The following SSH2 variants were observed in gnomAD, a reference collection of about 807,000 sequenced individuals.
SSH2 encodes the protein slingshot protein phosphatase 2, also known as protein phosphatase Slingshot homolog 2.
SSH2 carries 37 observed loss-of-function variants against 135.2 expected under a neutral mutation model. That is an observed-to-expected ratio of 0.27 (90% CI 0.21 to 0.36). The LOEUF is 0.36. Among genes scored for constraint, SSH2 ranks in the 10% least tolerant of loss-of-function variants. SSH2 has a pLI of 1.00. For synonymous variants in SSH2, 628 were observed against 646.2 expected (o/e 0.97, Z 0.43); for missense variants, 1,408 against 1,765.3 (o/e 0.80, Z 3.63).
intron 1 of SSH2, among the ~76,000 whole-genome samples, chr17:29,913,336 AAAAAAAAAAAAATATATATAT>A (rs1367819937): frequency 3.6e-5 from 2 of 55,110 alleles, no homozygotes; most frequent in East Asian, 1.4e-3. Context: ...AAAAAAAAAA[AAAAAAAAAAAAATATATATAT>A]ATATATATAT....
intron 2 of SSH2, among the ~76,000 whole-genome samples, chr17:29,815,547 C>T (rs1045804298): frequency 5.9e-5 from 9 of 152,150 alleles, no homozygotes; most frequent in Non-Finnish European, 1.2e-4. Context: ...AGGCATGAGC[C>T]ACTGTGCCCA....
chr17:29,879,807 A>G (rs755042445), intron 1 of SSH2, among the ~76,000 whole-genome samples: 2 of 152,320 alleles, frequency 1.3e-5, no homozygotes, highest in African/African-American at 2.4e-5. Flanking sequence ...ACAAGATGCA[A>G]TGTTTCCAAA....
At chr17:29,927,209 C>T (rs2067083468) in intron 1 of SSH2, among the ~76,000 whole-genome samples, 1 of 152,166 alleles carries the variant, frequency 6.6e-6, no homozygotes, top group Non-Finnish European at 1.5e-5. Flanking sequence ...TTATCTTAAT[C>T]TGAATTCAGA....
At chr17:29,658,123 C>A (rs1193404612) in intron 11 of SSH2, among the ~76,000 whole-genome samples, 1 of 151,516 alleles carries the variant, frequency 6.6e-6, no homozygotes, top group African/African-American at 2.4e-5. Flanking sequence ...CCTTCCTCAG[C>A]CTCCTGAGTA....
chr17:29,674,837 A>C (rs1418137640), intron 8 of SSH2, among the ~76,000 whole-genome samples: 1 of 152,214 alleles, frequency 6.6e-6, no homozygotes, highest in Non-Finnish European at 1.5e-5. Context: ...AATTTGGATT[A>C]GAATTTTAGG....
At chr17:29,864,867 C>T (rs1325783530) in intron 1 of SSH2, among the ~76,000 whole-genome samples, 1 of 152,118 alleles carries the variant, frequency 6.6e-6, no homozygotes, top group African/African-American at 2.4e-5. Flanking sequence ...TTCTTGGGCC[C>T]CACCCCTGAT....
intron 3 of SSH2, among the ~76,000 whole-genome samples, chr17:29,758,195 A>G (rs1478768202): frequency 6.6e-6 from 1 of 152,254 alleles, no homozygotes; most frequent in Non-Finnish European, 1.5e-5. Context: ...GAAGTTGAAG[A>G]TTTCAGCAGT....
chr17:29,918,918 C>T (rs1421692488), intron 1 of SSH2, among the ~76,000 whole-genome samples: 3 of 151,816 alleles, frequency 2.0e-5, no homozygotes, highest in African/African-American at 7.3e-5. Context: ...GCCTGAGCGA[C>T]AGAACGAGAC....
intron 14 of SSH2, chr17:29,647,878 G>T (rs1023812224): frequency 2.7e-6 from 1 of 367,362 alleles, no homozygotes; most frequent in Non-Finnish European, 5.1e-6. Flanking sequence ...GGCCAGGCTG[G>T]TCTCGAACTC....
intron 3 of SSH2, among the ~76,000 whole-genome samples, chr17:29,779,840 A>AAAAAAG (rs2041800889): frequency 6.8e-6 from 1 of 146,652 alleles, no homozygotes; most frequent in Non-Finnish European, 1.5e-5. Flanking sequence ...AAAAAAAAAA[A>AAAAAAG]GATGAACAGC....
Position 29,631,831 on chromosome 17 carries a change from G to T in SSH2, c.3363C>A (p.Thr1121=). The T allele has an allele frequency of 6.2e-7, 1 of 1,614,204 alleles. No individual in the cohort carries two copies. The highest frequency in any genetic ancestry group is 1.1e-5 in the South Asian group (1 of 91,086). Residue 1121 remains threonine (T), a synonymous_variant, in exon 16 of 16, where the codon ACC becomes ACA. Transcript: ENST00000540801. ...TGTCTTCAGGGCTACTCAGGATGGA[G>T]GTTGGATGGTCAGTGGGTCTGTTGT... The part of the protein sequence containing the change: ...PEHNRPTDHP[T]SILSSPEDRG...
chr17:29,694,281 A>G lies in SSH2; in HGVS notation c.357+1178T>C, dbSNP rs541209116. Among the ~76,000 whole-genome samples the G allele has an allele frequency of 8.5e-5, 13 of 152,354 alleles. No homozygotes were observed. The East Asian group carries it at 2.3e-3, about 27-fold the overall frequency. ...GTAGAAATACTTTCCAATTTCCACA[A>G]AGAAATATGGTCATCTCAGTTTTGT... On this transcript the variant is annotated intron_variant, in intron 5 of 15. Coordinates refer to ENST00000540801, the MANE Select transcript of SSH2 (RefSeq NM_001282129.2).
chr17:29,890,470 A>C (rs1451870003), intron 1 of SSH2, among the ~76,000 whole-genome samples: 1 of 152,198 alleles, frequency 6.6e-6, no homozygotes, highest in Non-Finnish European at 1.5e-5. Context: ...AAAAGGAATG[A>C]AGTGCTAACA....
At chr17:29,849,862 A>AAG (rs1184398646) in intron 1 of SSH2, among the ~76,000 whole-genome samples, 6 of 116,068 alleles carry the variant, frequency 5.2e-5, no homozygotes, top group African/African-American at 3.0e-4. Flanking sequence ...AAAAGTATAT[A>AAG]TATATATATA....
rs1233303165 is a variant in SSH2 at position 29,632,219 on chromosome 17, A to G, written c.2975T>C (p.Leu992Ser). The G allele has an allele frequency of 6.2e-7, 1 of 1,613,888 alleles. No homozygotes were observed. The highest frequency in any genetic ancestry group is 8.5e-7 in the Non-Finnish European group (1 of 1,179,906). ...CCCTGGGCCCTCCTGAGGATCTGGC[A>G]AGTGGTCAAACTCCAGCACCCTGGG... ...PAPRVLEFDHLPDPQEGPGSD... is the reference protein window; with the variant it reads ...PAPRVLEFDHSPDPQEGPGSD... The change falls in exon 16 of 16, where the codon TTG becomes TCG. Residue 992 changes from leucine (L) to serine (S), a missense_variant. By Grantham distance (145) the Leu-to-Ser change is moderately radical. Transcript: ENST00000540801.
intron 1 of SSH2, among the ~76,000 whole-genome samples, chr17:29,899,292 A>G (rs1355227307): frequency 4.0e-5 from 6 of 151,882 alleles, no homozygotes; most frequent in South Asian, 2.1e-4. Flanking sequence ...AATCAGGCAG[A>G]AGAAGGAAAT....
chr17:29,868,049 G>A (rs1285661435), intron 1 of SSH2, among the ~76,000 whole-genome samples: 1 of 152,066 alleles, frequency 6.6e-6, no homozygotes, highest in East Asian at 1.9e-4. Flanking sequence ...GATGAGAGAA[G>A]CTGCCTAGAA....
At chr17:29,719,816 GCA>G in intron 3 of SSH2, among the ~76,000 whole-genome samples, 2 of 152,286 alleles carry the variant, frequency 1.3e-5, no homozygotes, top group Middle Eastern at 3.4e-3. Flanking sequence ...GAGTGCAATG[GCA>G]CAGTCTCGGC....
intron 1 of SSH2, among the ~76,000 whole-genome samples, chr17:29,894,160 T>TA (rs2151448701): frequency 6.6e-6 from 1 of 152,258 alleles, no homozygotes; most frequent in South Asian, 2.1e-4. Flanking sequence ...TCTTAATTTA[T>TA]AAAATGAGAA....
Sources: gnomAD v4.1 joint callset for allele counts (sites outside exome capture counted in the v4.1 genomes callset) on GRCh38, gnomAD v4.1.1 for gene constraint, MANE v1.5 for transcripts, NCBI Gene and HGNC (gene_info 2026-07-23, HGNC 2026-07-21) for gene names.